GPM6B: variants seen among roughly 807,000 people sequenced by gnomAD.
GPM6B encodes glycoprotein M6B.
A neutral mutation model predicts 27.2 loss-of-function variants in GPM6B; 4 were observed. The ratio of observed to expected loss-of-function variants is 0.15; its 90% CI spans 0.07 to 0.34. The LOEUF is 0.34. GPM6B is among the 10% of genes least tolerant of loss of function. The pLI, the probability that GPM6B is intolerant of heterozygous loss-of-function variation, is 1.00. For synonymous variants in GPM6B, 124 were observed against 103.1 expected (o/e 1.20, Z -1.23); for missense variants, 183 against 261.9 (o/e 0.70, Z 2.08).
chrX:13,897,761 C>T (rs1215411761), intron 1 of GPM6B, among the ~76,000 whole-genome samples: 1 of 111,471 alleles, frequency 9.0e-6, no homozygotes, highest in African/African-American at 3.3e-5. Context: ...CAGATGGGCT[C>T]GCTCGAACAC....
intron 1 of GPM6B, among the ~76,000 whole-genome samples, chrX:13,815,538 TAAAC>T (rs2049218048): frequency 9.1e-6 from 1 of 110,436 alleles, no homozygotes; most frequent in African/African-American, 3.3e-5. Flanking sequence ...AGGATTGAAC[TAAAC>T]AAACGATTTT....
At chrX:13,930,056 G>A (rs1921407627) in intron 1 of GPM6B, among the ~76,000 whole-genome samples, 1 of 111,889 alleles carries the variant, frequency 8.9e-6, no homozygotes, top group African/African-American at 3.2e-5. Flanking sequence ...ATTATATACA[G>A]CCATTAAGAG....
At chrX:13,853,299 G>A (rs920779386) in intron 1 of GPM6B, among the ~76,000 whole-genome samples, 1 of 110,595 alleles carries the variant, frequency 9.0e-6, no homozygotes, top group Non-Finnish European at 1.9e-5. Flanking sequence ...AAGGATACAA[G>A]GATCATAAAG....
intron 1 of GPM6B, among the ~76,000 whole-genome samples, chrX:13,866,162 G>C (rs1000979811): frequency 9.0e-6 from 1 of 111,709 alleles, no homozygotes; most frequent in Admixed American, 9.5e-5. Flanking sequence ...TCGGGAGTTT[G>C]AGACCAGCCT....
chrX:13,895,804 T>C (rs186977356), intron 1 of GPM6B, among the ~76,000 whole-genome samples: 1 of 109,702 alleles, frequency 9.1e-6, no homozygotes, highest in African/African-American at 3.3e-5. Flanking sequence ...AACAGTAGGA[T>C]ACAATTAGCA....
At chrX:13,778,088 C>T (rs771675106) in intron 5 of GPM6B, among the ~76,000 whole-genome samples, 51 of 99,146 alleles carry the variant, frequency 5.1e-4, no homozygotes, top group African/African-American at 1.3e-3. Flanking sequence ...CTTGCTCTGT[C>T]GCCCAGGCTG....
chrX:13,808,685 G>A (rs1481191501), intron 1 of GPM6B, among the ~76,000 whole-genome samples: 2 of 111,056 alleles, frequency 1.8e-5, no homozygotes, highest in Non-Finnish European at 3.8e-5. Flanking sequence ...AAAAAAAATT[G>A]TGCCATTGAT....
chrX:13,871,573 C>T (rs12849213), intron 1 of GPM6B, among the ~76,000 whole-genome samples: 5 of 112,024 alleles, frequency 4.5e-5, no homozygotes, highest in African/African-American at 1.6e-4. Context: ...ACAATGGGGA[C>T]GCTCAGGTCT....
At chrX:13,782,781 A>AT (rs1379949360) in intron 4 of GPM6B, among the ~76,000 whole-genome samples, 1 of 109,356 alleles carries the variant, frequency 9.1e-6, no homozygotes, top group Non-Finnish European at 1.9e-5. Flanking sequence ...AAAGAAAAAA[A>AT]AAAAAATTCT....
intron 1 of GPM6B, among the ~76,000 whole-genome samples, chrX:13,822,361 C>CT (rs1483786882): frequency 1.9e-5 from 2 of 106,775 alleles, no homozygotes; most frequent in Non-Finnish European, 1.9e-5. Flanking sequence ...TAAGTGACTC[C>CT]TATTTTTTTT....
intron 1 of GPM6B, among the ~76,000 whole-genome samples, chrX:13,905,882 TA>T (rs138188403): frequency 0.18 from 19,170 of 104,467 alleles, 1,397 homozygotes; most frequent in Admixed American, 0.21. Flanking sequence ...ACAATGGGAT[TA>T]AAAAAAAAAA....
At chrX:13,827,437 C>A (rs1295394887) in intron 1 of GPM6B, among the ~76,000 whole-genome samples, 1 of 109,906 alleles carries the variant, frequency 9.1e-6, no homozygotes, top group African/African-American at 3.3e-5. Flanking sequence ...TGTGACCACG[C>A]CCAGCCCATT....
At chrX:13,872,358 C>T (rs1374401685) in intron 1 of GPM6B, among the ~76,000 whole-genome samples, 2 of 109,304 alleles carry the variant, frequency 1.8e-5, no homozygotes, top group African/African-American at 3.3e-5. Flanking sequence ...TTTGTAGATA[C>T]GGGGTTTCAC....
intron 1 of GPM6B, among the ~76,000 whole-genome samples, chrX:13,850,460 C>A (rs911146164): frequency 8.9e-6 from 1 of 112,629 alleles, no homozygotes; most frequent in African/African-American, 3.2e-5. Context: ...TTATAAATTA[C>A]CCAGCCTCAG....
rs1430858546 is a variant in GPM6B, at chrX:13,799,178, T to G, written c.181+8472A>C. ...ATGCAGATGATTCTAGAAACCTCGA[T>G]TAGCCAACCTAATTTTTTTTTTTTT... On this transcript the variant is annotated intron_variant, in intron 2 of 7. Transcript: ENST00000316715. Among the ~76,000 whole-genome samples the G allele has an allele frequency of 5.8e-5, 6 of 103,248 alleles. No individual in the cohort carries two copies. In the East Asian group the frequency reaches 1.8e-3, roughly 31 times the overall value. The allele number at this position is 103,248 out of a possible 115,157, so 89.7% of individuals were successfully genotyped here. A position where few individuals can be genotyped will look rare whatever the true frequency, so the allele number is the denominator to read the frequency against.
intron 1 of GPM6B, among the ~76,000 whole-genome samples, chrX:13,865,109 G>A (rs5935673): frequency 0.035 from 3,882 of 111,210 alleles, 68 homozygotes; most frequent in Non-Finnish European, 0.049. Context: ...GAGTGAAACC[G>A]TGAATAAAGG....
At chrX:13,917,579 T>C (rs1384530749) in intron 1 of GPM6B, among the ~76,000 whole-genome samples, 1 of 112,399 alleles carries the variant, frequency 8.9e-6, no homozygotes, top group East Asian at 2.8e-4. Flanking sequence ...CTGTAGGTAA[T>C]AAATTTATAG....
intron 1 of GPM6B, among the ~76,000 whole-genome samples, chrX:13,931,349 A>T (rs111458002): frequency 1.8e-5 from 2 of 109,474 alleles, no homozygotes; most frequent in African/African-American, 6.7e-5. Context: ...TTAGCCGGGC[A>T]TGGTGGTGGG....
chrX:13,819,662 C>G (rs2049285979), upstream of GPM6B, among the ~76,000 whole-genome samples: 1 of 111,790 alleles, frequency 8.9e-6, no homozygotes, highest in Non-Finnish European at 1.9e-5. Flanking sequence ...ATGAAGTAAC[C>G]TCCCTAGTGC....
Sources: allele counts gnomAD v4.1 joint callset (sites outside exome capture counted in the v4.1 genomes callset), GRCh38; gene constraint gnomAD v4.1.1; transcripts MANE v1.5; gene names NCBI Gene and HGNC (gene_info 2026-07-23, HGNC 2026-07-21).